Variants in AP2A2 observed in about 807,000 individuals in gnomAD.
AP2A2 encodes the protein AP-2 complex subunit alpha-2.
In AP2A2, 32 loss-of-function variants were observed where a neutral mutation model predicts 104.2. That is an observed-to-expected ratio of 0.31 (90% CI 0.23 to 0.41). The LOEUF (loss-of-function observed/expected upper bound fraction) is 0.41. AP2A2 is among the 10% of genes least tolerant of loss of function. The pLI is 1.00. For synonymous variants in AP2A2, 539 were observed against 533.3 expected, an observed-to-expected ratio of 1.01 and a Z score of -0.15; for missense variants, 912 against 1,261.0, an observed-to-expected ratio of 0.72 and a Z score of 4.19.
intron 2 of AP2A2, among the ~76,000 whole-genome samples, chr11:966,358 T>A (rs1023898260): frequency 6.6e-6 from 1 of 152,170 alleles, no homozygotes; most frequent in Non-Finnish European, 1.5e-5. Context: ...ATTAGCCGTG[T>A]GTGGTTGCAC....
intron 4 of AP2A2, among the ~76,000 whole-genome samples, chr11:972,673 G>C (rs549929159): frequency 1.4e-3 from 216 of 152,348 alleles, no homozygotes; most frequent in Non-Finnish European, 1.9e-3. Context: ...ACTCCAGCCT[G>C]GGCGACAGAG....
chr11:1,010,117 C>T (rs1241945541), intron 21 of AP2A2: 3 of 481,246 alleles, frequency 6.2e-6, no homozygotes, highest in African/African-American at 3.8e-5. Flanking sequence ...AGCATCGTCC[C>T]ACCATGGAGC....
intron 5 of AP2A2, among the ~76,000 whole-genome samples, chr11:977,582 C>CGT (rs1313544150): frequency 6.6e-6 from 1 of 151,122 alleles, no homozygotes; most frequent in Non-Finnish European, 1.5e-5. Flanking sequence ...TACTAATCCT[C>CGT]GTGCCTACTC....
chr11:928,549 A>G (rs1009957701), intron 1 of AP2A2, among the ~76,000 whole-genome samples: 3 of 152,206 alleles, frequency 2.0e-5, no homozygotes, highest in Admixed American at 6.5e-5. Context: ...ATCACACTTT[A>G]TTGTGGGGAA....
At chr11:979,899 T>C (rs1855183873) in intron 5 of AP2A2, among the ~76,000 whole-genome samples, 1 of 152,252 alleles carries the variant, frequency 6.6e-6, no homozygotes, top group Non-Finnish European at 1.5e-5. Context: ...TGTTTACATC[T>C]TCAGAGTGAA....
intron 5 of AP2A2, among the ~76,000 whole-genome samples, chr11:979,755 T>C (rs1855177979): frequency 6.6e-6 from 1 of 152,078 alleles, no homozygotes; most frequent in Admixed American, 6.5e-5. Flanking sequence ...TTAGTAGAGA[T>C]GGGGTTTCAC....
Position 994,190 on chromosome 11 carries a change from G to T in AP2A2, c.1901G>T (p.Arg634Met). Reference protein sequence around the residue: ...VTDLEDTKRDRSVDVNGGPEP... With the variant: ...VTDLEDTKRDMSVDVNGGPEP... ...GACCTGGAGGACACCAAGCGGGACA[G>T]GAGTGTGGACGTGAACGGGGGTCCT... is the stretch of plus-strand genomic sequence containing the variant. The change falls in exon 14 of 22, where the codon AGG becomes ATG. Residue 634 changes from arginine to methionine, a missense_variant. Physicochemically the swap from Arg to Met is moderately conservative, Grantham distance 91. Transcript: ENST00000448903. The T allele has an allele frequency of 6.2e-7, 1 of 1,613,020 alleles. No homozygotes were observed. The highest frequency in any genetic ancestry group is 8.5e-7 in the Non-Finnish European group (1 of 1,179,860).
rs376328158 is a variant in AP2A2, at chr11:993,420, G to T, written c.1550+39G>T. On this transcript the variant is annotated intron_variant, in intron 12 of 21. Coordinates refer to ENST00000448903, the MANE Select transcript of AP2A2 (RefSeq NM_012305.4). This position sits in a 1 kb window ranked among gnomAD's most constrained non-coding sequence, Gnocchi z 8.2. ...TGCGAGTCGGGGCTGTGTGCGCTCC[G>T]GCGGGCCTCTCGGTGGTCGGTGGCA... is the stretch of plus-strand genomic sequence containing the variant. 5.3e-6 allele frequency: 8 copies of T among 1,515,472 alleles called. No individual in the cohort carries two copies. The highest frequency in any genetic ancestry group is 6.2e-6 in the Non-Finnish European group (7 of 1,128,046). The allele number at this position is 1,515,472 out of a possible 1,614,324, so 93.9% of individuals were successfully genotyped here.
chr11:968,293 C>A lies in AP2A2; in HGVS notation c.137-1876C>A, dbSNP rs573779666. ...GTGATCCTGCATCACCCTCACTGAC[C>A]AGTGGGCTCAGCTTCTAAAGGTGGG... On this transcript the variant is annotated intron_variant, in intron 2 of 21. Coordinates refer to ENST00000448903, the MANE Select transcript of AP2A2 (RefSeq NM_012305.4). The surrounding 1 kb of genome is among the most constrained non-coding windows in gnomAD (Gnocchi z 4.2). 3.1e-4 allele frequency among the ~76,000 whole-genome samples: 47 copies of A among 152,176 alleles called. No individual in the cohort carries two copies. The highest frequency in any genetic ancestry group is 6.2e-4 in the Non-Finnish European group (42 of 68,030).
rs1396310206 is a variant in AP2A2 at position 992,087 on chromosome 11, G to A, written c.1270-416G>A. Among the ~76,000 whole-genome samples the A allele has an allele frequency of 2.0e-5, 3 of 151,986 alleles. No homozygotes were observed. The highest frequency in any genetic ancestry group is 1.3e-4 in the Admixed American group (2 of 15,266). ...GGAAGAAACCAGCAGAGAAGTGGCC[G>A]CCGGGAGCCCAGGGTGGCGCAGTCA... On this transcript the variant is annotated intron_variant, in intron 10 of 21. Transcript: ENST00000448903. The surrounding 1 kb of genome is among the most constrained non-coding windows in gnomAD (Gnocchi z 6.4).
intron 2 of AP2A2, among the ~76,000 whole-genome samples, chr11:966,821 T>C (rs1042834740): frequency 1.3e-5 from 2 of 152,184 alleles, no homozygotes; most frequent in Admixed American, 1.3e-4. Flanking sequence ...GCGTGGAGGC[T>C]CTGGTTCCTG....
intron 14 of AP2A2, among the ~76,000 whole-genome samples, chr11:995,603 G>A (rs565433331): frequency 6.6e-6 from 1 of 151,328 alleles, no homozygotes; most frequent in South Asian, 2.1e-4. Context: ...CGGAGTCCTG[G>A]CACTCCTTGG....
intron 1 of AP2A2, chr11:956,761 G>T (rs7396509): frequency 6.6e-6 from 1 of 152,106 alleles, no homozygotes; most frequent in African/African-American, 2.4e-5. Context: ...TCTAATGTGC[G>T]TTTTCCCTCT....
intron 8 of AP2A2, among the ~76,000 whole-genome samples, chr11:986,013 G>T (rs1157623645): frequency 1.3e-5 from 2 of 152,256 alleles, no homozygotes; most frequent in Non-Finnish European, 2.9e-5. Context: ...GGCGCAGGGT[G>T]GCGGTCGCTC....
intron 3 of AP2A2, 101 bp from the exon 4 acceptor site, chr11:971,961 C>A: frequency 1.7e-6 from 2 of 1,207,626 alleles, no homozygotes; most frequent in Non-Finnish European, 2.3e-6. Flanking sequence ...GGTGCCTGGG[C>A]TGCTTCCGCA....
At position 993,844 on chromosome 11, in the gene AP2A2, C is replaced by T. The variant is rs867434097; in HGVS notation, c.1641C>T (p.Phe547=). The T allele has an allele frequency of 3.2e-5, 52 of 1,609,260 alleles. No homozygotes were observed. The highest frequency in any genetic ancestry group is 2.7e-4 in the Admixed American group (16 of 59,914). Residue 547 remains phenylalanine (F), a synonymous_variant, in exon 13 of 22, where the codon TTC becomes TTT. Coordinates refer to ENST00000448903, the MANE Select transcript of AP2A2 (RefSeq NM_012305.4). This position sits in a 1 kb window ranked among gnomAD's most constrained non-coding sequence, Gnocchi z 8.2. ...RALLLSTYIK[F]VNLFPEVKPT... ...TGCTCCTGTCCACCTACATCAAGTT[C>T]GTGAACCTCTTCCCGGAGGTGAAGC...
intron 1 of AP2A2, among the ~76,000 whole-genome samples, chr11:937,446 A>C (rs964314460): frequency 2.6e-5 from 4 of 152,142 alleles, no homozygotes; most frequent in African/African-American, 9.7e-5. Context: ...GTATCTTTTA[A>C]AAGTTCACTT....
chr11:927,075 T>C (rs80277871), intron 1 of AP2A2, among the ~76,000 whole-genome samples: 1 of 152,214 alleles, frequency 6.6e-6, no homozygotes, highest in African/African-American at 2.4e-5. Context: ...TTTTTGTTTT[T>C]CTTTTTTTTG....
At chr11:985,326 A>G in intron 7 of AP2A2, 109 bp from the exon 8 acceptor site, 1 of 1,378,524 alleles carries the variant, frequency 7.3e-7, no homozygotes, top group East Asian at 2.3e-5. Flanking sequence ...CACAAATGTG[A>G]ATGAACTATA....
Sources: gnomAD v4.1 joint callset for allele counts (sites outside exome capture counted in the v4.1 genomes callset) on GRCh38, gnomAD v4.1.1 for gene constraint, Gnocchi (gnomAD v3.1) non-coding constraint, MANE v1.5 for transcripts, NCBI Gene and HGNC (gene_info 2026-07-23, HGNC 2026-07-21) for gene names.